Variants in ATXN2 observed in about 807,000 individuals in gnomAD.
ATXN2 encodes the protein ataxin-2.
In ATXN2, 37 loss-of-function variants were observed where a neutral mutation model predicts 138.6. The ratio of observed to expected loss-of-function variants is 0.27; its 90% CI spans 0.21 to 0.35. The LOEUF is 0.35. Ranked by LOEUF, ATXN2 falls within the 10% of genes least tolerant of loss-of-function variation. The probability of loss-of-function intolerance (pLI) is 1.00; values close to 1 mark genes in which losing one functional copy is unlikely to be tolerated. For missense variants in ATXN2, 1,216 were observed against 1,480.3 expected, an observed-to-expected ratio of 0.82 and a Z score of 2.93; for synonymous variants, 549 against 543.7, an observed-to-expected ratio of 1.01 and a Z score of -0.13.
intron 18 of ATXN2, among the ~76,000 whole-genome samples, chr12:111,484,090 T>C (rs1877464325): frequency 6.6e-6 from 1 of 152,068 alleles, no homozygotes; most frequent in Non-Finnish European, 1.5e-5. Context: ...AGCCGAAACA[T>C]CCTTCTAATA....
rs1015275472 is a variant in ATXN2, at chr12:111,453,908, G to C, written c.3271-63C>G. On this transcript the variant is annotated intron_variant, in intron 23 of 24. Coordinates refer to ENST00000673436, the MANE Select transcript of ATXN2 (RefSeq NM_001372574.1). This position sits in a 1 kb window ranked among gnomAD's most constrained non-coding sequence, Gnocchi z 5.4. Reference sequence around the variant, plus strand: ...CTCCGGCTTCAACAACATGTCAACTGTGTTCCTTTCACTGGGCTGGGACTC... The same window carrying C: ...CTCCGGCTTCAACAACATGTCAACTCTGTTCCTTTCACTGGGCTGGGACTC... The C allele has an allele frequency of 2.0e-6, 3 of 1,516,800 alleles. No homozygotes were observed. Among genetic ancestry groups the C allele is most frequent in the South Asian group, 1.3e-5 (1 of 78,930 alleles). The allele number at this position is 1,516,800 out of a possible 1,614,324, so 94.0% of individuals were successfully genotyped here.
chr12:111,598,969 CTGCTGCTGT>C lies in ATXN2; in HGVS notation c.57_65del (p.Gln26_Gln28del), dbSNP rs768449888. ...GCGGCGGCTGCTGCTGCTGCTGCTG[CTGCTGCTGT>C]TGCTGCTGCTGCTGCTGCTGCTGCT... On this transcript the variant is annotated inframe_deletion, in exon 1 of 25. Coordinates refer to ENST00000673436, the MANE Select transcript of ATXN2 (RefSeq NM_001372574.1). This position sits in a 1 kb window ranked among gnomAD's most constrained non-coding sequence, Gnocchi z 4.5. 1.2e-4 allele frequency: 182 copies of C among 1,500,758 alleles called. 1 individual carries two copies. Among genetic ancestry groups the C allele is most frequent in the African/African-American group, 9.9e-4 (67 of 67,928 alleles). The allele number at this position is 1,500,758 out of a possible 1,614,324, so 93.0% of individuals were successfully genotyped here.
intron 1 of ATXN2, among the ~76,000 whole-genome samples, chr12:111,589,910 A>T (rs529648493): frequency 6.6e-6 from 1 of 151,522 alleles, no homozygotes; most frequent in South Asian, 2.1e-4. Context: ...CAGAGCTAGA[A>T]CCTGTCTCAA....
At position 111,510,375 on chromosome 12, in the gene ATXN2, T is replaced by A; in HGVS notation, c.1756+10A>T. 6.2e-7 allele frequency: 1 copy of A among 1,612,006 alleles called. No individual in the cohort carries two copies. The highest frequency in any genetic ancestry group is 2.2e-5 in the East Asian group (1 of 44,838). On this transcript the variant is annotated intron_variant, in intron 12 of 24. Transcript: ENST00000673436. ...TGAGATTATGGATCCAGAAGCCCTT[T>A]GTTACATACCCTCACTAGAAGGGGT...
chr12:111,508,441 C>CTTTTTTTTT (rs66643315), intron 14 of ATXN2, among the ~76,000 whole-genome samples: 17 of 85,650 alleles, frequency 2.0e-4, no homozygotes, highest in South Asian at 4.6e-4. Flanking sequence ...AATTGAAAAA[C>CTTTTTTTTT]TTTTTTTTTT....
Position 111,453,959 on chromosome 12 carries a change from A to G in ATXN2, c.3271-114T>C. On this transcript the variant is annotated intron_variant, in intron 23 of 24. Coordinates refer to ENST00000673436, the MANE Select transcript of ATXN2 (RefSeq NM_001372574.1). This position sits in a 1 kb window ranked among gnomAD's most constrained non-coding sequence, Gnocchi z 5.4. ...TCAGGAAAGGGCAACGGTGGGCCTC[A>G]GGGCCCAGTTCTGTTCTCTGGGGAC... The G allele has an allele frequency of 1.9e-6, 2 of 1,034,490 alleles. No homozygotes were observed. Among genetic ancestry groups the G allele is most frequent in the Non-Finnish European group, 2.8e-6 (2 of 715,312 alleles). 64.1% of individuals were successfully genotyped at this position (1,034,490 alleles called of 1,614,324 possible). A position where few individuals can be genotyped will look rare whatever the true frequency, so the allele number is the denominator to read the frequency against.
At chr12:111,487,226 C>T (rs10400583) in intron 15 of ATXN2, among the ~76,000 whole-genome samples, 15,522 of 151,856 alleles carry the variant, frequency 0.1, 2,660 homozygotes, top group African/African-American at 0.35. Flanking sequence ...TTACAGGAGA[C>T]TGCCACCACG....
rs1265229904 is a variant in ATXN2 at position 111,552,774 on chromosome 12, C to T, written c.420+132G>A. The stretch of plus-strand genomic sequence containing the variant: ...CAAGAAGCCTCTCTGATTACACAAA[C>T]CAGTCTATAAAATAATCAGTATTTG... On this transcript the variant is annotated intron_variant, in intron 4 of 24. Coordinates refer to ENST00000673436, the MANE Select transcript of ATXN2 (RefSeq NM_001372574.1). The surrounding 1 kb of genome is among the most constrained non-coding windows in gnomAD (Gnocchi z 4.1). The T allele has an allele frequency of 9.4e-6, 6 of 635,626 alleles. No homozygotes were observed. Among genetic ancestry groups the T allele is most frequent in the Non-Finnish European group, 1.6e-5 (6 of 385,044 alleles). 39.4% of individuals were successfully genotyped at this position (635,626 alleles called of 1,614,324 possible). A position where few individuals can be genotyped will look rare whatever the true frequency, so the allele number is the denominator to read the frequency against.
At chr12:111,587,212 T>C (rs2135842343) in intron 1 of ATXN2, among the ~76,000 whole-genome samples, 1 of 152,076 alleles carries the variant, frequency 6.6e-6, no homozygotes, top group South Asian at 2.1e-4. Context: ...CCACAGCAAA[T>C]GTTTATAAAC....
At chr12:111,554,103 G>T (rs749834680) in intron 3 of ATXN2, 55 bp downstream of exon 3, 5 of 1,150,552 alleles carry the variant, frequency 4.3e-6, no homozygotes, top group Non-Finnish European at 6.1e-6. Flanking sequence ...TAACTTCATG[G>T]AATTACTTTA....
intron 1 of ATXN2, among the ~76,000 whole-genome samples, chr12:111,577,114 G>A (rs1338636826): frequency 6.6e-6 from 1 of 151,136 alleles, no homozygotes; most frequent in African/African-American, 2.4e-5. Context: ...GCCACGACAA[G>A]TTAATTGATA....
At chr12:111,472,910 T>C (rs1030425777) in intron 18 of ATXN2, among the ~76,000 whole-genome samples, 1 of 152,192 alleles carries the variant, frequency 6.6e-6, no homozygotes, top group African/African-American at 2.4e-5. Flanking sequence ...AGGTATACTT[T>C]GTTCTTGAAC....
chr12:111,598,855 G>C lies in ATXN2; in HGVS notation c.180C>G (p.Ser60=), dbSNP rs1188921261. 2.0e-6 allele frequency: 3 copies of C among 1,484,284 alleles called. No individual in the cohort carries two copies. The highest frequency in any genetic ancestry group is 2.7e-6 in the Non-Finnish European group (3 of 1,123,398). The allele number at this position is 1,484,284 out of a possible 1,614,324, so 91.9% of individuals were successfully genotyped here. ...AGGAGGGAGCCGTGGCCGAGGACGA[G>C]GAGACCGAGGACGAGGACGGCGAAG... ...AAPSPSSSSV[S]SSSATAPSSV... Residue 60 remains serine (S), a synonymous_variant, in exon 1 of 25, where the codon TCC becomes TCG. Coordinates refer to ENST00000673436, the MANE Select transcript of ATXN2 (RefSeq NM_001372574.1). This position sits in a 1 kb window ranked among gnomAD's most constrained non-coding sequence, Gnocchi z 4.5.
chr12:111,575,412 C>A (rs1360696408), intron 1 of ATXN2, among the ~76,000 whole-genome samples: 1 of 152,128 alleles, frequency 6.6e-6, no homozygotes, highest in South Asian at 2.1e-4. Context: ...GTCTTGAACT[C>A]CTGGCCCTTC....
At chr12:111,534,329 A>G (rs1362378567) in intron 5 of ATXN2, among the ~76,000 whole-genome samples, 1 of 152,068 alleles carries the variant, frequency 6.6e-6, no homozygotes, top group Non-Finnish European at 1.5e-5. Flanking sequence ...TGAGCCTGGG[A>G]GGAGGAGGTT....
chr12:111,528,037 C>T (rs907404483), intron 5 of ATXN2, among the ~76,000 whole-genome samples: 3 of 152,156 alleles, frequency 2.0e-5, no homozygotes, highest in Non-Finnish European at 2.9e-5. Context: ...AAATTCCAAA[C>T]GAGTCATATT....
chr12:111,470,692 T>C lies in ATXN2; in HGVS notation c.2575A>G (p.Met859Val). 6.2e-7 allele frequency: 1 copy of C among 1,614,070 alleles called. No homozygotes were observed. The highest frequency in any genetic ancestry group is 8.5e-7 in the Non-Finnish European group (1 of 1,180,006). ...RQDQHHQSAMMHPASAAGPPI... is the reference protein window; with the variant it reads ...RQDQHHQSAMVHPASAAGPPI... ...GGGCCCGCTGCTGACGCTGGGTGCA[T>C]CATGGCACTCTGATGATGCTGGTCT... is the stretch of plus-strand genomic sequence containing the variant. Residue 859 changes from methionine (M) to valine (V), a missense_variant, in exon 19 of 25, where the codon ATG becomes GTG. Around this residue, in one of 4 missense-constraint regions of ATXN2, gnomAD observed 490 missense variants for 653.5 expected, o/e 0.75. Transcript: ENST00000673436.
At position 111,552,560 on chromosome 12, in the gene ATXN2, T is replaced by G; in HGVS notation, c.421-130A>C. 1.1e-6 allele frequency: 1 copy of G among 919,412 alleles called. No individual in the cohort carries two copies. Among genetic ancestry groups the G allele is most frequent in the South Asian group, 2.0e-5 (1 of 51,072 alleles). The allele number at this position is 919,412 out of a possible 1,614,324, so 57.0% of individuals were successfully genotyped here. A position where few individuals can be genotyped will look rare whatever the true frequency, so the allele number is the denominator to read the frequency against. On this transcript the variant is annotated intron_variant, in intron 4 of 24. Coordinates refer to ENST00000673436, the MANE Select transcript of ATXN2 (RefSeq NM_001372574.1). The surrounding 1 kb of genome is among the most constrained non-coding windows in gnomAD (Gnocchi z 4.1). ...AATAATCTCAAGAGAATCATACCCT[T>G]TTTCCCAGGCATATGATCTATTATC...
In ATXN2 at chr12:111,553,572, CAAAAAAAAAAAAAAAAAAA is replaced by C. The variant is rs757837884; in HGVS notation, c.348+567_348+585del. 9.0e-4 allele frequency among the ~76,000 whole-genome samples: 44 copies of C among 48,930 alleles called. 1 individual carries two copies. Among genetic ancestry groups the C allele is most frequent in the African/African-American group, 3.0e-3 (37 of 12,514 alleles). 32.1% of individuals were successfully genotyped at this position (48,930 alleles called of 152,430 possible). ...AGACGCAACCATGCCTCTTTTTTCT[CAAAAAAAAAAAAAAAAAAA>C]AAAAAAAAAAAAATTTTTTTTTTTG... On this transcript the variant is annotated intron_variant, in intron 3 of 24. Transcript: ENST00000673436.
Sources: allele counts gnomAD v4.1 joint callset (sites outside exome capture counted in the v4.1 genomes callset), GRCh38; gene constraint gnomAD v4.1.1; regional missense constraint gnomAD v4.1.1; non-coding constraint Gnocchi (gnomAD v3.1); transcripts MANE v1.5; gene names NCBI Gene and HGNC (gene_info 2026-07-23, HGNC 2026-07-21).